Variants in ERBB4 observed in about 807,000 individuals in gnomAD.
ERBB4 encodes the protein erb-b2 receptor tyrosine kinase 4.
A neutral mutation model predicts 158.0 loss-of-function variants in ERBB4; 42 were observed. The ratio of observed to expected loss-of-function variants is 0.27; its 90% CI spans 0.21 to 0.34. The LOEUF is 0.34. Ranked by LOEUF, ERBB4 falls within the 10% of genes least tolerant of loss-of-function variation. The probability of loss-of-function intolerance (pLI) is 1.00; values close to 1 mark genes in which losing one functional copy is unlikely to be tolerated. For synonymous variants in ERBB4, 583 were observed against 558.7 expected, an observed-to-expected ratio of 1.04 and a Z score of -0.61; for missense variants, 1,333 against 1,624.1, an observed-to-expected ratio of 0.82 and a Z score of 3.08.
At chr2:211,420,814 T>G (rs555524569) in intron 24 of ERBB4, among the ~76,000 whole-genome samples, 16 of 152,012 alleles carry the variant, frequency 1.1e-4, no homozygotes, top group African/African-American at 3.9e-4. Context: ...GTAAACAAAC[T>G]TTATACAAGG....
intron 25 of ERBB4, among the ~76,000 whole-genome samples, chr2:211,412,760 C>A (rs968220306): frequency 6.6e-6 from 1 of 151,806 alleles, no homozygotes; most frequent in African/African-American, 2.4e-5. Flanking sequence ...TCCAGACCAT[C>A]CTGGCCAACA....
chr2:211,933,129 T>C (rs1575398315), intron 3 of ERBB4, among the ~76,000 whole-genome samples: 1 of 152,050 alleles, frequency 6.6e-6, no homozygotes, highest in Non-Finnish European at 1.5e-5. Context: ...ACACTAATTC[T>C]TGATTCACCT....
At chr2:211,985,813 T>C (rs1174694428) in intron 2 of ERBB4, among the ~76,000 whole-genome samples, 4 of 151,978 alleles carry the variant, frequency 2.6e-5, no homozygotes, top group African/African-American at 9.7e-5. Flanking sequence ...TAAGAGAAAA[T>C]TGAAAATACT....
intron 3 of ERBB4, among the ~76,000 whole-genome samples, chr2:211,935,397 G>A (rs1188184972): frequency 6.6e-6 from 1 of 152,092 alleles, no homozygotes; most frequent in East Asian, 1.9e-4. Flanking sequence ...CAATCTTCTG[G>A]GGACCAAGAG....
chr2:212,017,576 G>A (rs1449770154), intron 2 of ERBB4, among the ~76,000 whole-genome samples: 2 of 152,092 alleles, frequency 1.3e-5, no homozygotes, highest in Non-Finnish European at 2.9e-5. Context: ...AGTATACAAT[G>A]TTGTTGCATA....
At chr2:211,859,947 A>G in intron 3 of ERBB4, among the ~76,000 whole-genome samples, 1 of 152,212 alleles carries the variant, frequency 6.6e-6, no homozygotes, top group East Asian at 1.9e-4. Flanking sequence ...TTACAAACGT[A>G]TTGGCAATGG....
At chr2:212,348,771 G>T (rs917065662) in intron 1 of ERBB4, among the ~76,000 whole-genome samples, 10 of 152,058 alleles carry the variant, frequency 6.6e-5, no homozygotes, top group Non-Finnish European at 1.5e-4. Flanking sequence ...ACAATATTCA[G>T]TTCTGTCCTA....
chr2:212,283,125 C>T (rs1047946408), intron 1 of ERBB4, among the ~76,000 whole-genome samples: 3 of 151,864 alleles, frequency 2.0e-5, no homozygotes, highest in Admixed American at 6.6e-5. Context: ...TAATGCAGAC[C>T]ATGGATTTCA....
chr2:212,251,051 C>A lies in ERBB4; in HGVS notation c.83-126148G>T, dbSNP rs551047935. Among the ~76,000 whole-genome samples the A allele has an allele frequency of 4.6e-5, 7 of 152,026 alleles. No homozygotes were observed. In the East Asian group the frequency reaches 1.4e-3, roughly 29 times the overall value. On this transcript the variant is annotated intron_variant, in intron 1 of 27. Transcript: ENST00000342788. ...AATAGTCTAGGGCTGGCAATAGCAA[C>A]TAAGCTTCAAGTTGATGGGTACAAA...
intron 1 of ERBB4, among the ~76,000 whole-genome samples, chr2:212,493,145 TACTC>T (rs1690370844): frequency 6.6e-6 from 1 of 151,630 alleles, no homozygotes; most frequent in African/African-American, 2.4e-5. Flanking sequence ...ATTATCTAAA[TACTC>T]AATAGCAAAA....
chr2:212,487,090 G>A, intron 1 of ERBB4, among the ~76,000 whole-genome samples: 1 of 152,004 alleles, frequency 6.6e-6, no homozygotes, highest in Admixed American at 6.6e-5. Context: ...TGGGACTAGA[G>A]GCAACTACTA....
At chr2:211,407,089 AAAAT>A (rs1398284684) in intron 25 of ERBB4, among the ~76,000 whole-genome samples, 2 of 152,104 alleles carry the variant, frequency 1.3e-5, no homozygotes, top group African/African-American at 2.4e-5. Flanking sequence ...CAAAAAAATA[AAAAT>A]AAATTTTAAA....
chr2:211,880,963 G>A (rs1010282509), intron 3 of ERBB4, among the ~76,000 whole-genome samples: 2 of 152,166 alleles, frequency 1.3e-5, no homozygotes, highest in African/African-American at 4.8e-5. Context: ...AATTAGTGGA[G>A]CTTACTCAGT....
chr2:212,099,736 G>GTTT (rs3037296), intron 2 of ERBB4, among the ~76,000 whole-genome samples: 13,383 of 144,446 alleles, frequency 0.093, 702 homozygotes, highest in Non-Finnish European at 0.12. Context: ...TTGTTTTACA[G>GTTT]TTTTTTTTTT....
intron 2 of ERBB4, among the ~76,000 whole-genome samples, chr2:212,118,522 T>A (rs1338795872): frequency 6.6e-6 from 1 of 151,162 alleles, no homozygotes; most frequent in Non-Finnish European, 1.5e-5. Flanking sequence ...GCAAATTTTA[T>A]GTCTTACGAA....
intron 20 of ERBB4, among the ~76,000 whole-genome samples, chr2:211,558,418 A>T (rs1238937253): frequency 6.6e-6 from 1 of 152,150 alleles, no homozygotes; most frequent in Non-Finnish European, 1.5e-5. Context: ...CAATGGGCCG[A>T]TCTGGGTAAT....
intron 20 of ERBB4, among the ~76,000 whole-genome samples, chr2:211,512,019 C>T (rs1364758614): frequency 7.2e-5 from 11 of 152,142 alleles, no homozygotes; most frequent in South Asian, 4.1e-4. Context: ...AGAAGATTCA[C>T]ACAGCATTGG....
chr2:211,614,389 T>C (rs116043087), intron 19 of ERBB4, among the ~76,000 whole-genome samples: 259 of 152,156 alleles, frequency 1.7e-3, no homozygotes, highest in African/African-American at 5.5e-3. Context: ...GGTAACCTAA[T>C]TGTGAATTTT....
At chr2:211,680,402 G>A (rs997028814) in intron 12 of ERBB4, among the ~76,000 whole-genome samples, 1 of 152,104 alleles carries the variant, frequency 6.6e-6, no homozygotes, top group Non-Finnish European at 1.5e-5. Context: ...ACTTCATGTG[G>A]TTTTCATGAA....
Sources: allele counts gnomAD v4.1 joint callset (sites outside exome capture counted in the v4.1 genomes callset), GRCh38; gene constraint gnomAD v4.1.1; transcripts MANE v1.5; gene names NCBI Gene and HGNC (gene_info 2026-07-23, HGNC 2026-07-21).